Variants in ERBB4 observed in about 807,000 individuals in gnomAD.
ERBB4 encodes receptor tyrosine-protein kinase erbB-4.
ERBB4 carries 42 observed loss-of-function variants against 158.0 expected under a neutral mutation model. The observed-to-expected ratio is 0.27, with a 90% CI of 0.21 to 0.34. ERBB4 has a LOEUF of 0.34. ERBB4 is among the 10% of genes least tolerant of loss of function. The pLI, the probability that ERBB4 is intolerant of heterozygous loss-of-function variation, is 1.00. For missense variants in ERBB4, 1,333 were observed against 1,624.1 expected, an observed-to-expected ratio of 0.82 and a Z score of 3.08; for synonymous variants, 583 against 558.7, an observed-to-expected ratio of 1.04 and a Z score of -0.61.
In ERBB4 at chr2:211,657,886, C is replaced by A. The variant is rs368910690; in HGVS notation, c.1872-58G>T. 15 of 1,601,928 alleles carry A rather than the reference C, an allele frequency of 9.4e-6. No homozygotes were observed. The African/African-American group carries it at 2.0e-4, about 21-fold the overall frequency. On this transcript the variant is annotated intron_variant, in intron 15 of 27. Transcript: ENST00000342788. ...CTCCATCCACAGTGACATGCACACA[C>A]ATGCACCAGTGCTCACACATGGAGC...
intron 1 of ERBB4, among the ~76,000 whole-genome samples, chr2:212,378,853 T>C (rs1044082006): frequency 2.0e-5 from 3 of 151,842 alleles, no homozygotes; most frequent in Non-Finnish European, 4.4e-5. Context: ...TTGCCATTTA[T>C]GCTAAATTTC....
intron 1 of ERBB4, among the ~76,000 whole-genome samples, chr2:212,534,779 G>A (rs1218285289): frequency 1.3e-5 from 2 of 152,098 alleles, no homozygotes; most frequent in African/African-American, 4.8e-5. Flanking sequence ...AAACCAAAGG[G>A]ATGAAAGCTC....
rs1183806787 is a variant in ERBB4 at position 211,796,736 on chromosome 2, A to C, written c.422-8577T>G. Among the ~76,000 whole-genome samples the C allele has an allele frequency of 2.0e-5, 3 of 152,044 alleles. No individual in the cohort carries two copies. The East Asian group carries it at 5.8e-4, about 29-fold the overall frequency. On this transcript the variant is annotated intron_variant, in intron 3 of 27. Coordinates refer to ENST00000342788, the MANE Select transcript of ERBB4 (RefSeq NM_005235.3). ...TCTTTAAAGAGTAATTTTTAAAGGC[A>C]AGAGATTTATTTCTGTTTACTCCAA... is the stretch of plus-strand genomic sequence containing the variant.
At chr2:211,537,433 A>G (rs1164398041) in intron 20 of ERBB4, among the ~76,000 whole-genome samples, 1 of 152,028 alleles carries the variant, frequency 6.6e-6, no homozygotes, top group Non-Finnish European at 1.5e-5. Context: ...TGGCAATGAG[A>G]GAGGTAGGAA....
At chr2:211,821,556 AC>A (rs1263949981) in intron 3 of ERBB4, among the ~76,000 whole-genome samples, 1 of 151,918 alleles carries the variant, frequency 6.6e-6, no homozygotes, top group East Asian at 1.9e-4. Flanking sequence ...CGCTAAACAG[AC>A]AAAACAATCC....
intron 20 of ERBB4, among the ~76,000 whole-genome samples, chr2:211,533,434 GAA>G (rs2066555749): frequency 6.6e-6 from 1 of 151,898 alleles, no homozygotes; most frequent in Admixed American, 6.6e-5. Context: ...TGTCTTTAAA[GAA>G]ATGGATATTC....
At chr2:212,002,633 G>A (rs1461348743) in intron 2 of ERBB4, among the ~76,000 whole-genome samples, 2 of 152,124 alleles carry the variant, frequency 1.3e-5, no homozygotes, top group African/African-American at 4.8e-5. Context: ...AAAAGAAACT[G>A]ATGATGATAC....
At chr2:211,605,712 TTA>T (rs2125822518) in intron 19 of ERBB4, among the ~76,000 whole-genome samples, 1 of 152,306 alleles carries the variant, frequency 6.6e-6, no homozygotes, top group South Asian at 2.1e-4. Context: ...TAAGTCATTA[TTA>T]TGTTTATTAG....
Position 211,387,925 on chromosome 2 carries a change from G to A in ERBB4, c.3183+20C>T, listed in dbSNP as rs1347929546. The A allele has an allele frequency of 3.8e-6, 6 of 1,583,732 alleles. No homozygotes were observed. Among genetic ancestry groups the A allele is most frequent in the South Asian group, 2.2e-5 (2 of 90,432 alleles). On this transcript the variant is annotated intron_variant, in intron 26 of 27. Coordinates refer to ENST00000342788, the MANE Select transcript of ERBB4 (RefSeq NM_005235.3). ...AGACCGAAAATCCTAAAAGATGAAG[G>A]TTGATTGTGAAATACTTACTCCTGA...
intron 1 of ERBB4, among the ~76,000 whole-genome samples, chr2:212,486,580 A>G (rs1689994214): frequency 6.6e-6 from 1 of 152,180 alleles, no homozygotes; most frequent in African/African-American, 2.4e-5. Flanking sequence ...ACTGTAATGT[A>G]TTAATGATAA....
chr2:211,531,700 C>T (rs186370899), intron 20 of ERBB4, among the ~76,000 whole-genome samples: 34 of 152,124 alleles, frequency 2.2e-4, no homozygotes, highest in African/African-American at 5.1e-4. Context: ...ACCTCTCATA[C>T]GCTGTTGGTG....
intron 4 of ERBB4, among the ~76,000 whole-genome samples, chr2:211,766,831 C>A (rs1430567680): frequency 1.3e-5 from 2 of 152,164 alleles, no homozygotes; most frequent in African/African-American, 2.4e-5. Flanking sequence ...CCCACTCCCC[C>A]ATTTCTGCAT....
intron 3 of ERBB4, among the ~76,000 whole-genome samples, chr2:211,838,878 G>A (rs532457864): frequency 6.6e-6 from 1 of 152,008 alleles, no homozygotes; most frequent in Non-Finnish European, 1.5e-5. Flanking sequence ...TGAAGCTATT[G>A]AACTCTGATT....
In ERBB4 at chr2:212,538,480, C is replaced by T; in HGVS notation, c.51G>A (p.Ala17=). 1 of 1,614,050 alleles carries T rather than the reference C, an allele frequency of 6.2e-7. No homozygotes were observed. Among genetic ancestry groups the T allele is most frequent in the Non-Finnish European group, 8.5e-7 (1 of 1,179,954 alleles). ...LWVWVSLLVA[A]GTVQPSDSQS... is the part of the protein sequence containing the mutation. ...GAGAATCGCTGGGCTGGACGGTCCC[C>T]GCCGCCACGAGAAGGCTCACCCAGA... Residue 17 remains alanine (A), a synonymous_variant, in exon 1 of 28, where the codon GCG becomes GCA. Coordinates refer to ENST00000342788, the MANE Select transcript of ERBB4 (RefSeq NM_005235.3).
intron 20 of ERBB4, among the ~76,000 whole-genome samples, chr2:211,442,513 A>C (rs1348315085): frequency 6.6e-6 from 1 of 152,134 alleles, no homozygotes; most frequent in Non-Finnish European, 1.5e-5. Context: ...ATGATCAGAA[A>C]GGACATAAAC....
intron 25 of ERBB4, among the ~76,000 whole-genome samples, chr2:211,418,809 G>A (rs980542650): frequency 3.3e-5 from 5 of 151,752 alleles, no homozygotes; most frequent in East Asian, 1.9e-4. Context: ...CACCTTAACC[G>A]CTTTCTTCCC....
At chr2:212,116,562 C>T (rs1191867611) in intron 2 of ERBB4, among the ~76,000 whole-genome samples, 1 of 152,148 alleles carries the variant, frequency 6.6e-6, no homozygotes, top group African/African-American at 2.4e-5. Flanking sequence ...ATCCTCCCAC[C>T]TCAGCCTCCT....
At chr2:211,502,492 A>G (rs2065641779) in intron 20 of ERBB4, among the ~76,000 whole-genome samples, 1 of 152,136 alleles carries the variant, frequency 6.6e-6, no homozygotes, top group African/African-American at 2.4e-5. Flanking sequence ...ATTATAAAGC[A>G]ATCTGCTATT....
chr2:211,494,692 G>T (rs73069187), intron 20 of ERBB4, among the ~76,000 whole-genome samples: 3,739 of 152,116 alleles, frequency 0.025, 163 homozygotes, highest in African/African-American at 0.086. Context: ...CTTTTAAAAG[G>T]CGTTTGTTGT....
Sources: allele counts gnomAD v4.1 joint callset (sites outside exome capture counted in the v4.1 genomes callset), GRCh38; gene constraint gnomAD v4.1.1; transcripts MANE v1.5; gene names NCBI Gene and HGNC (gene_info 2026-07-23, HGNC 2026-07-21).